TRPM3: variants seen among roughly 807,000 people sequenced by gnomAD.
TRPM3 encodes transient receptor potential cation channel subfamily M member 3.
Under a neutral mutation model 181.2 loss-of-function variants are expected in TRPM3, and 77 were observed. The observed-to-expected ratio is 0.42, with a 90% CI of 0.35 to 0.51. TRPM3 has a LOEUF of 0.51. Among genes scored for constraint, TRPM3 ranks in the 20% least tolerant of loss-of-function variants. The pLI, the probability that TRPM3 is intolerant of heterozygous loss-of-function variation, is 0.01. For missense variants in TRPM3, 1,759 were observed against 2,196.7 expected (o/e 0.80, Z 3.98); for synonymous variants, 745 against 796.4 (o/e 0.94, Z 1.09).
chr9:71,260,115 C>A (rs1478106649), intron 1 of TRPM3, among the ~76,000 whole-genome samples: 1 of 152,106 alleles, frequency 6.6e-6, no homozygotes, highest in Non-Finnish European at 1.5e-5. Context: ...GCAGTTTTCC[C>A]AACTCCATTT....
At chr9:70,540,624 C>T (rs1645103029) in intron 25 of TRPM3, among the ~76,000 whole-genome samples, 1 of 152,242 alleles carries the variant, frequency 6.6e-6, no homozygotes, top group South Asian at 2.1e-4. Flanking sequence ...GGCTTGAGCC[C>T]TGGAGTTTGA....
intron 5 of TRPM3, among the ~76,000 whole-genome samples, chr9:70,833,736 T>C (rs996973390): frequency 1.3e-5 from 2 of 152,160 alleles, no homozygotes; most frequent in Non-Finnish European, 2.9e-5. Flanking sequence ...CAGCTGGATA[T>C]GAAAGTCCTT....
At chr9:70,604,974 G>A (rs373894775) in intron 19 of TRPM3, among the ~76,000 whole-genome samples, 1 of 24,170 alleles carries the variant, frequency 4.1e-5, no homozygotes, top group Non-Finnish European at 9.2e-5. Context: ...CTTTTTTTTT[G>A]GAGACTGAGT....
chr9:70,550,252 T>C (rs73649140), intron 24 of TRPM3, among the ~76,000 whole-genome samples: 1,673 of 152,294 alleles, frequency 0.011, 36 homozygotes, highest in African/African-American at 0.038. Flanking sequence ...TGATAAAATA[T>C]AGACATGTGG....
At chr9:71,383,329 CCCTTCTTTT>C (rs1216114507) in intron 1 of TRPM3, among the ~76,000 whole-genome samples, 1 of 152,018 alleles carries the variant, frequency 6.6e-6, no homozygotes, top group African/African-American at 2.4e-5. Context: ...TCATTTTTGA[CCCTTCTTTT>C]CCTTGTTTTG....
chr9:70,601,753 G>A (rs529050893), intron 20 of TRPM3, among the ~76,000 whole-genome samples: 2 of 152,282 alleles, frequency 1.3e-5, no homozygotes, highest in East Asian at 3.9e-4. Context: ...CTGCCCGTTT[G>A]GCAGCCTCTG....
intron 1 of TRPM3, among the ~76,000 whole-genome samples, chr9:71,102,357 A>C (rs1341582430): frequency 1.3e-5 from 2 of 152,216 alleles, no homozygotes; most frequent in Non-Finnish European, 2.9e-5. Context: ...ATTTCTGCAG[A>C]TATTTGTTGA....
chr9:71,236,951 G>A (rs2081381379), intron 1 of TRPM3, among the ~76,000 whole-genome samples: 2 of 148,848 alleles, frequency 1.3e-5, no homozygotes, highest in Non-Finnish European at 3.0e-5. Flanking sequence ...GGAGGCTGAG[G>A]CATAAGAATC....
chr9:70,977,308 G>A (rs1714595621), intron 1 of TRPM3, among the ~76,000 whole-genome samples: 1 of 152,124 alleles, frequency 6.6e-6, no homozygotes, highest in South Asian at 2.1e-4. Context: ...CTAATTTTTT[G>A]TATTTTTAGT....
intron 1 of TRPM3, among the ~76,000 whole-genome samples, chr9:70,961,966 G>C (rs1471102839): frequency 6.6e-6 from 1 of 152,036 alleles, no homozygotes; most frequent in Non-Finnish European, 1.5e-5. Flanking sequence ...GACTCTATAG[G>C]ACTGTGATTA....
At chr9:71,335,368 T>C (rs963706618) in intron 1 of TRPM3, among the ~76,000 whole-genome samples, 5 of 152,124 alleles carry the variant, frequency 3.3e-5, no homozygotes, top group Non-Finnish European at 7.4e-5. Flanking sequence ...ACAAAACCAA[T>C]ATTAAGGAAA....
intron 8 of TRPM3, among the ~76,000 whole-genome samples, chr9:70,751,245 T>C (rs965857275): frequency 2.0e-5 from 3 of 152,012 alleles, no homozygotes; most frequent in Non-Finnish European, 4.4e-5. Flanking sequence ...ATGTCCTATA[T>C]TGGGAAAGTA....
At chr9:71,213,669 G>T (rs2079659760) in intron 1 of TRPM3, among the ~76,000 whole-genome samples, 1 of 152,082 alleles carries the variant, frequency 6.6e-6, no homozygotes, top group African/African-American at 2.4e-5. Context: ...GAGGTAACAG[G>T]AATGGAAAAC....
At chr9:71,275,824 G>T (rs1198588987) in intron 1 of TRPM3, among the ~76,000 whole-genome samples, 1 of 150,210 alleles carries the variant, frequency 6.7e-6, no homozygotes, top group East Asian at 2.0e-4. Flanking sequence ...TCATAATGTA[G>T]ATCAATGGAG....
intron 1 of TRPM3, among the ~76,000 whole-genome samples, chr9:71,024,714 T>C (rs2097878212): frequency 6.6e-6 from 1 of 152,222 alleles, no homozygotes; most frequent in East Asian, 1.9e-4. Context: ...CTTAGAAAAG[T>C]TCTTGGCATT....
intron 1 of TRPM3, among the ~76,000 whole-genome samples, chr9:71,119,885 A>T (rs1490402810): frequency 6.6e-6 from 1 of 152,158 alleles, no homozygotes; most frequent in Non-Finnish European, 1.5e-5. Flanking sequence ...CCCATACCCA[A>T]ACCTGCCTTT....
At chr9:71,436,798 A>T (rs2094047930) in intron 1 of TRPM3, among the ~76,000 whole-genome samples, 1 of 152,164 alleles carries the variant, frequency 6.6e-6, no homozygotes, top group African/African-American at 2.4e-5. Context: ...AACCCATGTC[A>T]TACTTCCGTA....
At chr9:70,551,043 A>G (rs1178439649) in intron 24 of TRPM3, among the ~76,000 whole-genome samples, 4 of 152,252 alleles carry the variant, frequency 2.6e-5, no homozygotes, top group Non-Finnish European at 5.9e-5. Flanking sequence ...TCAAAGGAGT[A>G]TATTTAACAC....
chr9:71,175,587 G>A (rs1274763635), intron 1 of TRPM3, among the ~76,000 whole-genome samples: 1 of 152,192 alleles, frequency 6.6e-6, no homozygotes, highest in Non-Finnish European at 1.5e-5. Flanking sequence ...CAGAGGGAAA[G>A]ATCCCCAAAG....
Sources: gnomAD v4.1 joint callset for allele counts (sites outside exome capture counted in the v4.1 genomes callset) on GRCh38, gnomAD v4.1.1 for gene constraint, MANE v1.5 for transcripts, NCBI Gene and HGNC (gene_info 2026-07-23, HGNC 2026-07-21) for gene names.